Variants in VPS39 observed in about 807,000 individuals in gnomAD.
VPS39 encodes vam6/Vps39-like protein.
Under a neutral mutation model 121.0 loss-of-function variants are expected in VPS39, and 70 were observed. The observed-to-expected ratio is 0.58, with a 90% CI of 0.48 to 0.71. VPS39 has a LOEUF of 0.71. Among genes scored for constraint, VPS39 ranks in the 30% least tolerant of loss-of-function variants. The pLI is 0.00. For synonymous variants in VPS39, 378 were observed against 398.1 expected (o/e 0.95, Z 0.60); for missense variants, 818 against 1,051.5 (o/e 0.78, Z 3.07).
intron 19 of VPS39, among the ~76,000 whole-genome samples, chr15:42,164,104 G>T (rs2049194015): frequency 6.6e-6 from 1 of 152,166 alleles, no homozygotes; most frequent in Admixed American, 6.5e-5. Flanking sequence ...ACTTGGCCAA[G>T]AACATGTTCT....
intron 2 of VPS39, among the ~76,000 whole-genome samples, chr15:42,192,701 C>A (rs1247220403): frequency 6.6e-6 from 1 of 152,120 alleles, no homozygotes; most frequent in African/African-American, 2.4e-5. Flanking sequence ...GAAAAAAAAA[C>A]AATTCAGACA....
chr15:42,160,227 C>T lies in VPS39; in HGVS notation c.*527G>A, dbSNP rs1448891784. ...GAAAGAAAAGGAGACTGAAAACTAACAGGGCGGCTACCGAGGGGTGCAGGG... is the reference window on the plus strand; with the variant it reads ...GAAAGAAAAGGAGACTGAAAACTAATAGGGCGGCTACCGAGGGGTGCAGGG... On this transcript the variant is annotated 3_prime_UTR_variant, in exon 25 of 25. Coordinates refer to ENST00000318006, the MANE Select transcript of VPS39 (RefSeq NM_015289.5). 6.5e-6 allele frequency: 1 copy of T among 152,692 alleles called. No individual in the cohort carries two copies. Among genetic ancestry groups the T allele is most frequent in the African/African-American group, 2.4e-5 (1 of 41,446 alleles). 9.5% of individuals were successfully genotyped at this position (152,692 alleles called of 1,614,324 possible). A position where few individuals can be genotyped will look rare whatever the true frequency, so the allele number is the denominator to read the frequency against.
rs1377341395 is a variant in VPS39 at position 42,161,694 on chromosome 15, T to A, written c.2540A>T (p.Lys847Met). 2 of 1,614,098 alleles carry A rather than the reference T, an allele frequency of 1.2e-6. No homozygotes were observed. Among genetic ancestry groups the A allele is most frequent in the East Asian group, 4.5e-5 (2 of 44,888 alleles). Residue 847 changes from lysine (K) to methionine (M), a missense_variant, in exon 24 of 25, where the codon AAG becomes ATG. By Grantham distance (95) the Lys-to-Met change is moderately conservative. Transcript: ENST00000318006. ...EEKVCMVCKK[K>M]IGNSAFARYP... ...GAAGGAGGCTCACCTGTTCCCAATC[T>A]TCTTCTTACACACCATGCACACCTT...
intron 1 of VPS39, among the ~76,000 whole-genome samples, 162 bp downstream of exon 1, chr15:42,207,919 A>G (rs1007735465): frequency 5.3e-5 from 8 of 152,246 alleles, no homozygotes; most frequent in African/African-American, 1.7e-4. Context: ...CGATGTCTAT[A>G]GCCGGTGGTC....
At chr15:42,178,691 T>G in intron 8 of VPS39, 121 bp from the exon 9 acceptor site, 5 of 1,400,530 alleles carry the variant, frequency 3.6e-6, no homozygotes, top group African/African-American at 1.4e-5. Flanking sequence ...TAGTCAAATA[T>G]CAAGCCAGGA....
chr15:42,164,413 C>G lies in VPS39; in HGVS notation c.1971G>C (p.Leu657Phe). The change falls in exon 19 of 25, where the codon TTG becomes TTC. Residue 657 changes from leucine (L) to phenylalanine (F), a missense_variant. Coordinates refer to ENST00000318006, the MANE Select transcript of VPS39 (RefSeq NM_015289.5). ...CTGGATCATAGTAGCTGGAAATCTC[C>G]AAGAACATGAGGAGCTTTTGCCGGT... The part of the protein sequence containing the change: ...GEYRQKLLMF[L>F]EISSYYDPGR... 3 of 1,614,154 alleles carry G rather than the reference C, an allele frequency of 1.9e-6. No homozygotes were observed. The highest frequency in any genetic ancestry group is 2.5e-6 in the Non-Finnish European group (3 of 1,179,998).
chr15:42,199,272 T>G (rs1359398401), intron 2 of VPS39, among the ~76,000 whole-genome samples: 1 of 152,178 alleles, frequency 6.6e-6, no homozygotes, highest in Non-Finnish European at 1.5e-5. Flanking sequence ...TTTCAAATAC[T>G]TTAGTTATTA....
Position 42,166,882 on chromosome 15 carries a change from C to A in VPS39, c.1409G>T (p.Arg470Leu), listed in dbSNP as rs1044502534. The A allele has an allele frequency of 6.2e-7, 1 of 1,614,198 alleles. No homozygotes were observed. The highest frequency in any genetic ancestry group is 8.5e-7 in the Non-Finnish European group (1 of 1,180,040). The change falls in exon 14 of 25, where the codon CGC becomes CTC. Residue 470 changes from arginine to leucine, a missense_variant. Arg to Leu is a moderately radical substitution (Grantham distance 102). Transcript: ENST00000318006. ...TNVALVAPLL[R>L]LENNHCHIEE... ...GATGTGGCAGTGATTGTTCTCCAGG[C>A]GTAGCAAGGGGGCCACCAGGGCCAC...
intron 8 of VPS39, among the ~76,000 whole-genome samples, chr15:42,179,831 A>C (rs1347046894): frequency 6.6e-6 from 1 of 151,992 alleles, no homozygotes; most frequent in Admixed American, 6.6e-5. Context: ...TATGCATTGG[A>C]CACTTAATCC....
At chr15:42,204,645 G>T (rs2050133569) in intron 1 of VPS39, among the ~76,000 whole-genome samples, 1 of 151,932 alleles carries the variant, frequency 6.6e-6, no homozygotes, top group Admixed American at 6.5e-5. Context: ...GCGAGACTCA[G>T]TCTCAAAAAA....
intron 17 of VPS39, 105 bp from the exon 18 acceptor site, chr15:42,165,218 C>A: frequency 9.3e-7 from 1 of 1,077,002 alleles, no homozygotes; most frequent in South Asian, 1.4e-5. Flanking sequence ...TCCAGATTAT[C>A]CCCTAATCGG....
intron 8 of VPS39, among the ~76,000 whole-genome samples, chr15:42,179,405 T>TA (rs908814358): frequency 3.7e-3 from 514 of 140,518 alleles, no homozygotes; most frequent in African/African-American, 0.012. Context: ...CTGTCTCTAC[T>TA]AAAAAAAAAA....
intron 8 of VPS39, chr15:42,179,028 A>G (rs2049518933): frequency 6.4e-6 from 1 of 155,722 alleles, no homozygotes; most frequent in South Asian, 1.9e-4. Context: ...AAAATAAAAA[A>G]AAATTGCTTT....
intron 8 of VPS39, among the ~76,000 whole-genome samples, chr15:42,183,264 GTT>G (rs752801799): frequency 1.4e-5 from 2 of 141,092 alleles, no homozygotes; most frequent in Non-Finnish European, 1.6e-5. Context: ...CACTCAGCTA[GTT>G]TTTTTTTTTT....
At chr15:42,172,780 T>G (rs1399470324) in intron 11 of VPS39, among the ~76,000 whole-genome samples, 1 of 152,186 alleles carries the variant, frequency 6.6e-6, no homozygotes, top group African/African-American at 2.4e-5. Flanking sequence ...TCCCATCAAT[T>G]TTATGAATTC....
chr15:42,174,511 G>GA (rs1378382312), intron 10 of VPS39, among the ~76,000 whole-genome samples: 1 of 152,160 alleles, frequency 6.6e-6, no homozygotes, highest in Non-Finnish European at 1.5e-5. Context: ...TTCTGGAACA[G>GA]AAAAAAGGAC....
In VPS39 at chr15:42,162,050, G is replaced by A; in HGVS notation, c.2442C>T (p.Leu814=). 4 of 1,614,224 alleles carry A rather than the reference G, an allele frequency of 2.5e-6. No homozygotes were observed. The highest frequency in any genetic ancestry group is 3.4e-6 in the Non-Finnish European group (4 of 1,180,042). Residue 814 remains leucine, a synonymous_variant, in exon 23 of 25, where the codon CTC becomes CTT. Coordinates refer to ENST00000318006, the MANE Select transcript of VPS39 (RefSeq NM_015289.5). ...KRFNQVLKNL[L]HAEFLRVQEE... ...TACCTACCCTCAGGAATTCTGCATG[G>A]AGAAGGTTCTTGAGCACTTGATTGA...
At chr15:42,196,774 C>T (rs1413357589) in intron 2 of VPS39, among the ~76,000 whole-genome samples, 3 of 152,158 alleles carry the variant, frequency 2.0e-5, no homozygotes, top group Non-Finnish European at 4.4e-5. Flanking sequence ...GGCAATTCCT[C>T]AAGGATCTAG....
intron 2 of VPS39, among the ~76,000 whole-genome samples, chr15:42,192,826 C>T (rs1057250487): frequency 4.0e-5 from 6 of 151,844 alleles, no homozygotes; most frequent in East Asian, 1.9e-4. Flanking sequence ...TTGCCCAGGC[C>T]GGAGTGCAGT....
Sources: gnomAD v4.1 joint callset for allele counts (sites outside exome capture counted in the v4.1 genomes callset) on GRCh38, gnomAD v4.1.1 for gene constraint, MANE v1.5 for transcripts, NCBI Gene and HGNC (gene_info 2026-07-23, HGNC 2026-07-21) for gene names.